The following TMC1 variants were observed in gnomAD, a reference collection of about 807,000 sequenced individuals.
The protein encoded by TMC1 is transmembrane channel like 1, also known as transmembrane channel-like protein 1.
A neutral mutation model predicts 105.8 loss-of-function variants in TMC1; 84 were observed. The observed-to-expected ratio is 0.79, with a 90% CI of 0.67 to 0.95. The LOEUF (loss-of-function observed/expected upper bound fraction) is 0.95, where lower values mean the gene tolerates loss of function less well. Among genes scored for constraint, TMC1 ranks in the 40% least tolerant of loss-of-function variants. TMC1 has a pLI of 0.00. For synonymous variants in TMC1, 315 were observed against 311.5 expected, an observed-to-expected ratio of 1.01 and a Z score of -0.12; for missense variants, 817 against 914.1, an observed-to-expected ratio of 0.89 and a Z score of 1.37.
At chr9:72,615,909 C>T (rs1035208341) in intron 2 of TMC1, among the ~76,000 whole-genome samples, 5 of 152,068 alleles carry the variant, frequency 3.3e-5, no homozygotes, top group Admixed American at 2.0e-4. Context: ...TCCGTCACCA[C>T]ACTCAGCTAA....
intron 8 of TMC1, among the ~76,000 whole-genome samples, chr9:72,722,793 A>G (rs998576295): frequency 6.6e-6 from 1 of 152,156 alleles, no homozygotes; most frequent in African/African-American, 2.4e-5. Context: ...ATGTGCTGGT[A>G]AAAAGCCCTG....
chr9:72,628,668 A>G (rs187878516), intron 4 of TMC1, among the ~76,000 whole-genome samples: 28 of 152,350 alleles, frequency 1.8e-4, no homozygotes, highest in Admixed American at 2.6e-4. Flanking sequence ...GGATTGTAGT[A>G]CTTTTTATTT....
At chr9:72,548,054 G>A (rs370736895) in intron 1 of TMC1, among the ~76,000 whole-genome samples, 1 of 152,016 alleles carries the variant, frequency 6.6e-6, no homozygotes, top group Non-Finnish European at 1.5e-5. Context: ...CTCTACCTTC[G>A]CAACCAAAAG....
chr9:72,584,114 A>G (rs926449897), intron 2 of TMC1, among the ~76,000 whole-genome samples: 2 of 152,354 alleles, frequency 1.3e-5, no homozygotes, highest in South Asian at 2.1e-4. Flanking sequence ...TAGGTATTCA[A>G]TTGCAACAAA....
At chr9:72,690,033 A>G (rs1443133926) in intron 6 of TMC1, among the ~76,000 whole-genome samples, 1 of 151,620 alleles carries the variant, frequency 6.6e-6, no homozygotes, top group East Asian at 1.9e-4. Flanking sequence ...TCCCTTTTTT[A>G]TCTCATGTTA....
intron 5 of TMC1, among the ~76,000 whole-genome samples, chr9:72,686,677 A>G (rs1470157619): frequency 3.9e-5 from 6 of 152,190 alleles, no homozygotes; most frequent in African/African-American, 1.4e-4. Flanking sequence ...ATAAAACATG[A>G]CTGTTCCACG....
chr9:72,574,490 T>C (rs2132092874), intron 1 of TMC1, among the ~76,000 whole-genome samples: 1 of 152,356 alleles, frequency 6.6e-6, no homozygotes, highest in South Asian at 2.1e-4. Context: ...TTAAAGTTGA[T>C]GATTCAGTTT....
At chr9:72,699,164 ATG>A (rs1826600155) in intron 7 of TMC1, among the ~76,000 whole-genome samples, 1 of 152,182 alleles carries the variant, frequency 6.6e-6, no homozygotes, top group Non-Finnish European at 1.5e-5. Flanking sequence ...GTGGTATTGC[ATG>A]CCTCGATTTA....
At chr9:72,806,774 T>A (rs1012578710) in intron 18 of TMC1, among the ~76,000 whole-genome samples, 1 of 145,638 alleles carries the variant, frequency 6.9e-6, no homozygotes, top group Admixed American at 6.8e-5. Flanking sequence ...CTCCTCACTT[T>A]CCAGACTGGG....
chr9:72,781,025 T>G (rs1828087132), intron 13 of TMC1, among the ~76,000 whole-genome samples: 1 of 152,122 alleles, frequency 6.6e-6, no homozygotes, highest in Non-Finnish European at 1.5e-5. Context: ...ATTCTTCTTA[T>G]CTGCAAATGA....
intron 12 of TMC1, 119 bp from the exon 13 acceptor site, chr9:72,772,294 C>A: frequency 1.6e-6 from 2 of 1,264,610 alleles, no homozygotes; most frequent in Non-Finnish European, 2.3e-6. Flanking sequence ...GGGCTCATGT[C>A]AGAGCTGTGA....
At chr9:72,796,812 C>T (rs112482877) in intron 17 of TMC1, among the ~76,000 whole-genome samples, 14,071 of 152,092 alleles carry the variant, frequency 0.093, 715 homozygotes, top group Non-Finnish European at 0.13. Context: ...AAAACCAGCA[C>T]GAGACAAGGA....
At chr9:72,547,422 A>C (rs1051808226) in intron 1 of TMC1, among the ~76,000 whole-genome samples, 4 of 152,152 alleles carry the variant, frequency 2.6e-5, no homozygotes, top group Admixed American at 6.6e-5. Flanking sequence ...CACAAGCACA[A>C]ATGAGGATTT....
intron 12 of TMC1, among the ~76,000 whole-genome samples, chr9:72,771,706 A>ATC (rs1397146851): frequency 6.6e-6 from 1 of 152,216 alleles, no homozygotes; most frequent in Non-Finnish European, 1.5e-5. Context: ...GGAAGAGAAA[A>ATC]GGTGCATATT....
chr9:72,834,637 C>T (rs182560636), intron 23 of TMC1, among the ~76,000 whole-genome samples: 175 of 152,272 alleles, frequency 1.1e-3, no homozygotes, highest in African/African-American at 4.0e-3. Flanking sequence ...AGCTTTCAAC[C>T]TACAAATGCT....
At chr9:72,811,212 C>G (rs568173102) in intron 18 of TMC1, among the ~76,000 whole-genome samples, 1 of 152,238 alleles carries the variant, frequency 6.6e-6, no homozygotes, top group African/African-American at 2.4e-5. Context: ...TGTACTGGCT[C>G]TATCTGAGTA....
At chr9:72,789,546 G>T (rs566377465) in intron 15 of TMC1, among the ~76,000 whole-genome samples, 1 of 152,106 alleles carries the variant, frequency 6.6e-6, no homozygotes, top group East Asian at 1.9e-4. Context: ...AGTCAGAAAA[G>T]ATATTAAAAA....
At chr9:72,778,319 G>T (rs1293050088) in intron 13 of TMC1, among the ~76,000 whole-genome samples, 1 of 152,178 alleles carries the variant, frequency 6.6e-6, no homozygotes, top group African/African-American at 2.4e-5. Flanking sequence ...GTGGATGGAG[G>T]AAGGATGTAG....
At chr9:72,794,348 C>G (rs1001189496) in intron 17 of TMC1, among the ~76,000 whole-genome samples, 7 of 150,918 alleles carry the variant, frequency 4.6e-5, no homozygotes, top group African/African-American at 1.7e-4. Flanking sequence ...ACAGCCAGCT[C>G]TCAAGGGGGA....
Sources: allele counts gnomAD v4.1 joint callset (sites outside exome capture counted in the v4.1 genomes callset), GRCh38; gene constraint gnomAD v4.1.1; transcripts MANE v1.5; gene names NCBI Gene and HGNC (gene_info 2026-07-23, HGNC 2026-07-21).